Variants in UQCC1 observed in about 807,000 individuals in gnomAD.
UQCC1 encodes the protein bFGF-repressed Zic-binding protein.
A neutral mutation model predicts 48.0 loss-of-function variants in UQCC1; 38 were observed. The observed-to-expected ratio is 0.79, with a 90% CI of 0.61 to 1.04. The LOEUF (loss-of-function observed/expected upper bound fraction) is 1.04. Ranked by LOEUF, UQCC1 falls within the 50% of genes least tolerant of loss-of-function variation. The probability of loss-of-function intolerance (pLI) is 0.00; values close to 1 mark genes in which losing one functional copy is unlikely to be tolerated. For synonymous variants in UQCC1, 111 were observed against 129.2 expected (o/e 0.86, Z 0.95); for missense variants, 368 against 381.8 (o/e 0.96, Z 0.30).
intron 8 of UQCC1, among the ~76,000 whole-genome samples, chr20:35,307,696 G>A (rs1267636109): frequency 2.6e-5 from 4 of 152,160 alleles, no homozygotes; most frequent in Non-Finnish European, 5.9e-5. Flanking sequence ...AGTGATGGTG[G>A]CAGCTGACTA....
rs769295203 is a variant in UQCC1, at chr20:35,353,419, TA to T, written c.465-6148del. Among the ~76,000 whole-genome samples, 106 of 151,372 alleles carry T rather than the reference TA, an allele frequency of 7.0e-4. 1 individual carries two copies. The East Asian group carries it at 0.019, about 27-fold the overall frequency. ...TAAAAAAAAAAAAAAAAATTTAAAT[TA>T]AAAAGTTTATAAAGTATAAATGTTA... On this transcript the variant is annotated intron_variant, in intron 6 of 9. Coordinates refer to ENST00000374385, the MANE Select transcript of UQCC1 (RefSeq NM_018244.5).
At chr20:35,338,759 C>A (rs992705291) in intron 7 of UQCC1, among the ~76,000 whole-genome samples, 1 of 143,312 alleles carries the variant, frequency 7.0e-6, no homozygotes, top group Middle Eastern at 4.0e-3. Context: ...GCAGAAGAAT[C>A]GCTTGAACCC....
At chr20:35,382,512 CTTTTTTTTTTTT>C in intron 3 of UQCC1, among the ~76,000 whole-genome samples, 1 of 108,248 alleles carries the variant, frequency 9.2e-6, no homozygotes, top group East Asian at 2.6e-4. Context: ...TTTCTTTTTT[CTTTTTTTTTTTT>C]TTTTTTGAGA....
intron 7 of UQCC1, among the ~76,000 whole-genome samples, chr20:35,321,617 G>A (rs1301271642): frequency 6.6e-6 from 1 of 152,132 alleles, no homozygotes; most frequent in Non-Finnish European, 1.5e-5. Context: ...TGCTTTGTGA[G>A]GCCAAGGCAG....
chr20:35,387,567 C>A (rs935712033), intron 2 of UQCC1, among the ~76,000 whole-genome samples: 3 of 151,436 alleles, frequency 2.0e-5, no homozygotes, highest in Non-Finnish European at 4.4e-5. Flanking sequence ...AAAAAAGAAC[C>A]ACAGGAATGA....
At chr20:35,324,200 T>C (rs1383792298) in intron 7 of UQCC1, among the ~76,000 whole-genome samples, 1 of 152,274 alleles carries the variant, frequency 6.6e-6, no homozygotes, top group Admixed American at 6.5e-5. Flanking sequence ...CTGAGCTCTG[T>C]TGTTAAACTC....
At chr20:35,304,956 G>GC (rs1265304880) in intron 9 of UQCC1, among the ~76,000 whole-genome samples, 2 of 152,030 alleles carry the variant, frequency 1.3e-5, no homozygotes, top group African/African-American at 4.8e-5. Flanking sequence ...CTCCATTTCT[G>GC]CCCCCAGTGC....
At chr20:35,407,393 A>C (rs1249922078) in intron 1 of UQCC1, among the ~76,000 whole-genome samples, 1 of 151,816 alleles carries the variant, frequency 6.6e-6, no homozygotes, top group Non-Finnish European at 1.5e-5. Context: ...GTGCCACTGC[A>C]CTCTAGCCTG....
chr20:35,387,787 T>C (rs2061963003), intron 2 of UQCC1, among the ~76,000 whole-genome samples: 1 of 134,936 alleles, frequency 7.4e-6, no homozygotes, highest in South Asian at 2.3e-4. Flanking sequence ...GTAAAGGTAA[T>C]TTTAGGACAA....
chr20:35,306,849 T>C, intron 8 of UQCC1, 70 bp from the exon 9 acceptor site: 1 of 1,219,292 alleles, frequency 8.2e-7, no homozygotes, highest in Non-Finnish European at 1.2e-6. Flanking sequence ...GTGGGGATAC[T>C]ATGAACATGC....
chr20:35,411,939 C>A lies in UQCC1; in HGVS notation c.24+1G>T, dbSNP rs1466179982. The A allele has an allele frequency of 3.1e-6, 5 of 1,614,128 alleles. No homozygotes were observed. The highest frequency in any genetic ancestry group is 4.2e-6 in the Non-Finnish European group (5 of 1,180,048). ...CCGTAGAAAATTACTCCTTCACTCA[C>A]AAGGACTCGCACCAGCAACGCCATG... On this transcript the variant is annotated splice_donor_variant, in intron 1 of 9. Coordinates refer to ENST00000374385, the MANE Select transcript of UQCC1 (RefSeq NM_018244.5). LOFTEE classifies it high-confidence loss of function.
intron 5 of UQCC1, among the ~76,000 whole-genome samples, chr20:35,372,909 A>G (rs892452518): frequency 6.6e-6 from 1 of 152,196 alleles, no homozygotes; most frequent in Non-Finnish European, 1.5e-5. Flanking sequence ...TAGTTATTAA[A>G]TAACCAAAAC....
At chr20:35,347,798 A>G (rs1219104476) in intron 6 of UQCC1, among the ~76,000 whole-genome samples, 2 of 152,360 alleles carry the variant, frequency 1.3e-5, no homozygotes, top group East Asian at 1.9e-4. Flanking sequence ...TCAAAGATTT[A>G]GTTGAAGAAA....
At chr20:35,311,536 C>A (rs1259458949) in intron 8 of UQCC1, among the ~76,000 whole-genome samples, 1 of 152,118 alleles carries the variant, frequency 6.6e-6, no homozygotes, top group Non-Finnish European at 1.5e-5. Flanking sequence ...AGCTCTAGCA[C>A]CTTGTGACTC....
chr20:35,394,297 T>C, intron 1 of UQCC1, 101 bp from the exon 2 acceptor site: 1 of 1,079,492 alleles, frequency 9.3e-7, no homozygotes, highest in Non-Finnish European at 1.4e-6. Context: ...TAGAAATATA[T>C]ATTTGGCCTT....
intron 2 of UQCC1, among the ~76,000 whole-genome samples, chr20:35,387,385 C>T (rs971976330): frequency 1.3e-5 from 2 of 152,078 alleles, no homozygotes; most frequent in East Asian, 1.9e-4. Flanking sequence ...ATACCATGGG[C>T]GTGTGTGTCT....
intron 1 of UQCC1, among the ~76,000 whole-genome samples, chr20:35,406,675 G>A (rs546266990): frequency 6.6e-6 from 1 of 152,158 alleles, no homozygotes; most frequent in Non-Finnish European, 1.5e-5. Flanking sequence ...GACTGGTAAA[G>A]GTAACTGTTT....
rs2060884335 is a variant in UQCC1 at position 35,302,717 on chromosome 20, T to C, written c.*1218A>G. On this transcript the variant is annotated 3_prime_UTR_variant, in exon 10 of 10. Transcript: ENST00000374385. ...GCTGTAATGAGTTACAAGGTGTTATTATCTCACACACACACAGGAGGCTTC... is the reference window on the plus strand; with the variant it reads ...GCTGTAATGAGTTACAAGGTGTTATCATCTCACACACACACAGGAGGCTTC... The C allele has an allele frequency of 6.6e-6, 1 of 152,234 alleles. No individual in the cohort carries two copies. The allele number at this position is 152,234 out of a possible 1,614,324, so 9.4% of individuals were successfully genotyped here.
At chr20:35,374,964 CT>C (rs894569475) in intron 4 of UQCC1, among the ~76,000 whole-genome samples, 116 of 152,038 alleles carry the variant, frequency 7.6e-4, no homozygotes, top group African/African-American at 2.6e-3. Context: ...AAAAATAAAT[CT>C]AAAAATAAAT....
Sources: gnomAD v4.1 joint callset for allele counts (sites outside exome capture counted in the v4.1 genomes callset) on GRCh38, gnomAD v4.1.1 for gene constraint, MANE v1.5 for transcripts, NCBI Gene and HGNC (gene_info 2026-07-23, HGNC 2026-07-21) for gene names.